TOGARAM1: variants seen among roughly 807,000 people sequenced by gnomAD.
TOGARAM1 encodes the protein TOG array regulator of axonemal microtubules protein 1.
A neutral mutation model predicts 166.6 loss-of-function variants in TOGARAM1; 100 were observed. That is an observed-to-expected ratio of 0.60 (90% CI 0.51 to 0.71). The LOEUF is 0.71. Among genes scored for constraint, TOGARAM1 ranks in the 30% least tolerant of loss-of-function variants. The pLI is 0.00. For synonymous variants in TOGARAM1, 758 were observed against 763.8 expected, an observed-to-expected ratio of 0.99 and a Z score of 0.13; for missense variants, 2,029 against 2,102.7, an observed-to-expected ratio of 0.96 and a Z score of 0.69.
Position 45,044,730 on chromosome 14 carries a change from T to C in TOGARAM1, c.4014T>C (p.Asp1338=), listed in dbSNP as rs748064669. The C allele has an allele frequency of 2.5e-6, 4 of 1,613,962 alleles. No individual in the cohort carries two copies. The highest frequency in any genetic ancestry group is 3.4e-6 in the Non-Finnish European group (4 of 1,179,994). ...YLKKSMDQEL[D]TTVKVLLHKA... The stretch of plus-strand genomic sequence containing the variant: ...AAAAGAGCATGGATCAAGAGCTAGA[T>C]ACCACAGTAAAAGTTTTGTTGCACA... Residue 1338 remains aspartate (D), a synonymous_variant, in exon 13 of 20, where the codon GAT becomes GAC. Transcript: ENST00000361462.
At chr14:45,014,969 T>C (rs753965544) in intron 7 of TOGARAM1, among the ~76,000 whole-genome samples, 6 of 152,134 alleles carry the variant, frequency 3.9e-5, no homozygotes, top group Admixed American at 6.6e-5. Flanking sequence ...TACCTCCTCT[T>C]CCTACCTTCC....
At chr14:44,998,907 A>G (rs1594638586) in intron 2 of TOGARAM1, among the ~76,000 whole-genome samples, 1 of 152,198 alleles carries the variant, frequency 6.6e-6, no homozygotes, top group East Asian at 1.9e-4. Context: ...ACTGTGAAGT[A>G]TATTAGAAAA....
intron 1 of TOGARAM1, among the ~76,000 whole-genome samples, chr14:44,964,866 T>C (rs896623845): frequency 1.4e-5 from 2 of 142,292 alleles, no homozygotes; most frequent in African/African-American, 5.3e-5. Context: ...AATTAGCAGT[T>C]AACAAATTCG....
At chr14:45,054,648 A>G (rs1199664732) in intron 16 of TOGARAM1, 99 bp downstream of exon 16, 1 of 787,598 alleles carries the variant, frequency 1.3e-6, no homozygotes, top group Non-Finnish European at 2.1e-6. Context: ...ATTTGCCAAA[A>G]TTTAATGGAG....
chr14:45,022,137 G>T (rs534022917), intron 7 of TOGARAM1, among the ~76,000 whole-genome samples: 5 of 152,036 alleles, frequency 3.3e-5, no homozygotes, highest in Middle Eastern at 6.8e-3. Context: ...TGACATCTGC[G>T]ATAGTCCCTG....
chr14:44,990,758 T>C (rs1167923430), intron 1 of TOGARAM1, among the ~76,000 whole-genome samples: 5 of 152,222 alleles, frequency 3.3e-5, no homozygotes, highest in South Asian at 4.1e-4. Flanking sequence ...GAGAGTTCAG[T>C]GTGGGTATTC....
At chr14:45,045,695 A>G (rs1423150987) in intron 13 of TOGARAM1, among the ~76,000 whole-genome samples, 1 of 126,194 alleles carries the variant, frequency 7.9e-6, no homozygotes, top group South Asian at 2.3e-4. Flanking sequence ...ATATATACAC[A>G]TATATATGTG....
At chr14:45,065,201 T>C (rs1428747456) in intron 16 of TOGARAM1, among the ~76,000 whole-genome samples, 4 of 151,776 alleles carry the variant, frequency 2.6e-5, no homozygotes, top group African/African-American at 9.7e-5. Flanking sequence ...AAAGATAGAG[T>C]GAGACTCTGC....
chr14:44,988,154 A>G (rs1055565027), intron 1 of TOGARAM1, among the ~76,000 whole-genome samples: 5 of 151,820 alleles, frequency 3.3e-5, no homozygotes, highest in Non-Finnish European at 7.4e-5. Context: ...TACCTAATGT[A>G]AATGATGAGT....
chr14:45,019,593 A>G (rs904794507), intron 7 of TOGARAM1, among the ~76,000 whole-genome samples: 3 of 152,122 alleles, frequency 2.0e-5, no homozygotes, highest in African/African-American at 4.8e-5. Context: ...ATCCCAATCA[A>G]TGTCCCCTCC....
intron 7 of TOGARAM1, among the ~76,000 whole-genome samples, chr14:45,024,007 C>T (rs1004129424): frequency 6.6e-6 from 1 of 152,198 alleles, no homozygotes; most frequent in Non-Finnish European, 1.5e-5. Flanking sequence ...CCACAAAGTG[C>T]TGGGATTACA....
intron 11 of TOGARAM1, among the ~76,000 whole-genome samples, chr14:45,036,053 C>G (rs1881414221): frequency 6.8e-6 from 1 of 148,134 alleles, no homozygotes; most frequent in Non-Finnish European, 1.5e-5. Flanking sequence ...TTGCCTGAAT[C>G]CAGGGGTTCG....
chr14:44,993,285 T>TCAAAAA (rs112989574), intron 1 of TOGARAM1, among the ~76,000 whole-genome samples: 243 of 150,316 alleles, frequency 1.6e-3, no homozygotes, highest in East Asian at 4.5e-3. Flanking sequence ...AGAACCTGTC[T>TCAAAAA]CAAAAACAAA....
rs546208671 is a variant in TOGARAM1, at chr14:45,052,939, T to G, written c.4440+377T>G. The stretch of plus-strand genomic sequence containing the variant: ...GGATAATAATGTTTACCATGTTTAG[T>G]CCCTGCTTTATTTACCTTGCATGTC... On this transcript the variant is annotated intron_variant, in intron 15 of 19. Transcript: ENST00000361462. 1.5e-3 allele frequency among the ~76,000 whole-genome samples: 235 copies of G among 152,226 alleles called. 1 individual carries two copies. Among genetic ancestry groups the G allele is most frequent in the Non-Finnish European group, 2.9e-3 (194 of 67,994 alleles).
intron 16 of TOGARAM1, 128 bp downstream of exon 16, chr14:45,054,677 G>T: frequency 1.6e-6 from 1 of 635,336 alleles, no homozygotes. Flanking sequence ...GTTTGCTTAG[G>T]ATCCAGAAAG....
At chr14:45,029,515 T>A (rs1881040542) in intron 10 of TOGARAM1, among the ~76,000 whole-genome samples, 1 of 152,210 alleles carries the variant, frequency 6.6e-6, no homozygotes, top group African/African-American at 2.4e-5. Flanking sequence ...ACAATTATTA[T>A]CTTGATCAGC....
intron 7 of TOGARAM1, among the ~76,000 whole-genome samples, chr14:45,014,178 T>C (rs930607952): frequency 6.6e-6 from 1 of 151,976 alleles, no homozygotes; most frequent in Admixed American, 6.6e-5. Context: ...CCCAGGTAGC[T>C]GGGACTACAG....
intron 7 of TOGARAM1, among the ~76,000 whole-genome samples, chr14:45,018,597 G>T (rs1880299821): frequency 6.6e-6 from 1 of 152,124 alleles, no homozygotes; most frequent in Admixed American, 6.5e-5. Flanking sequence ...GGCATTTTAG[G>T]ACATGAATAT....
chr14:44,988,980 A>G (rs1886995838), intron 1 of TOGARAM1, among the ~76,000 whole-genome samples: 1 of 152,254 alleles, frequency 6.6e-6, no homozygotes, highest in South Asian at 2.1e-4. Context: ...GTAACCTGAA[A>G]CATCCAGCTA....
Sources: allele counts gnomAD v4.1 joint callset (sites outside exome capture counted in the v4.1 genomes callset), GRCh38; gene constraint gnomAD v4.1.1; transcripts MANE v1.5; gene names NCBI Gene and HGNC (gene_info 2026-07-23, HGNC 2026-07-21).